The following RNASEH1 variants were observed in gnomAD, a reference collection of about 807,000 sequenced individuals.
The protein encoded by RNASEH1 is ribonuclease H1, also known as ribonuclease H type II.
Under a neutral mutation model 34.6 loss-of-function variants are expected in RNASEH1, and 27 were observed. That is an observed-to-expected ratio of 0.78 (90% CI 0.58 to 1.08). RNASEH1 has a LOEUF of 1.08. Ranked by LOEUF, RNASEH1 falls within the 50% of genes least tolerant of loss-of-function variation. RNASEH1 has a pLI of 0.00. For synonymous variants in RNASEH1, 162 were observed against 138.4 expected, an observed-to-expected ratio of 1.17 and a Z score of -1.20; for missense variants, 349 against 373.6, an observed-to-expected ratio of 0.93 and a Z score of 0.54.
rs375227445 is a variant in RNASEH1, at chr2:3,551,554, C to G, written c.409+590G>C. On this transcript the variant is annotated intron_variant, in intron 3 of 7. Coordinates refer to ENST00000315212, the MANE Select transcript of RNASEH1 (RefSeq NM_002936.6). ...ATACAGCTTGGCAAAACATTTTCTA[C>G]TGGTTTCCCTTGAATTAAATTAGAA... 4.2e-4 allele frequency among the ~76,000 whole-genome samples: 64 copies of G among 152,354 alleles called. 2 individuals are homozygous for G. Among genetic ancestry groups the G allele is most frequent in the African/African-American group, 1.3e-3 (54 of 41,584 alleles).
rs1223637079 is a variant in RNASEH1, at chr2:3,544,756, T to C, written c.*1029A>G. The C allele has an allele frequency of 1.3e-5, 2 of 152,144 alleles. No homozygotes were observed. Among genetic ancestry groups the C allele is most frequent in the East Asian group, 3.9e-4 (2 of 5,172 alleles). 9.4% of individuals were successfully genotyped at this position (152,144 alleles called of 1,614,324 possible). A position where few individuals can be genotyped will look rare whatever the true frequency, so the allele number is the denominator to read the frequency against. On this transcript the variant is annotated 3_prime_UTR_variant, in exon 8 of 8. Transcript: ENST00000315212. ...ATAAAAAGGTTTAAAACTAAATAAA[T>C]AATCATGTCAAACTTTTACTACTTT...
the RNASEH1 span, chr2:3,533,220 A>G: frequency 6.6e-6 from 1 of 152,252 alleles, no homozygotes; most frequent in Non-Finnish European, 1.5e-5. Flanking sequence ...CAGAGAGATA[A>G]AACTTCTGCC....
chr2:3,553,522 T>C (rs1359461900), intron 2 of RNASEH1, among the ~76,000 whole-genome samples: 1 of 151,860 alleles, frequency 6.6e-6, no homozygotes, highest in African/African-American at 2.4e-5. Flanking sequence ...CCCAAGTAGC[T>C]GGGATTACAG....
At chr2:3,547,100 G>C (rs1030360975) in intron 7 of RNASEH1, among the ~76,000 whole-genome samples, 4 of 152,206 alleles carry the variant, frequency 2.6e-5, no homozygotes, top group Non-Finnish European at 5.9e-5. Flanking sequence ...GACAGAGTGA[G>C]ACCTGTCTCA....
intron 3 of RNASEH1, among the ~76,000 whole-genome samples, chr2:3,551,134 G>C (rs1037408711): frequency 6.6e-6 from 1 of 152,250 alleles, no homozygotes; most frequent in Non-Finnish European, 1.5e-5. Flanking sequence ...GCAAATAGAG[G>C]TGGTACGCGC....
At chr2:3,548,594 T>C (rs770431989) in intron 6 of RNASEH1, 46 bp downstream of exon 6, 2 of 1,333,158 alleles carry the variant, frequency 1.5e-6, no homozygotes, top group East Asian at 2.3e-5. Flanking sequence ...CCAATTTCCC[T>C]TCACAGTTAC....
chr2:3,549,172 T>C, intron 4 of RNASEH1, 60 bp from the exon 5 acceptor site: 1 of 1,241,404 alleles, frequency 8.1e-7, no homozygotes, highest in South Asian at 1.2e-5. Context: ...AAGTGATTCT[T>C]CTTAATGGAT....
rs1177498208 is a variant in RNASEH1 at position 3,544,721 on chromosome 2, T to C, written c.*1064A>G. The stretch of plus-strand genomic sequence containing the variant: ...CATTTGTTTTGTGTCACTTCCTGTA[T>C]GTTTTTATAATAAAAAGGTTTAAAA... On this transcript the variant is annotated 3_prime_UTR_variant, in exon 8 of 8. Coordinates refer to ENST00000315212, the MANE Select transcript of RNASEH1 (RefSeq NM_002936.6). 6.6e-6 allele frequency: 1 copy of C among 152,148 alleles called. No homozygotes were observed. Among genetic ancestry groups the C allele is most frequent in the Non-Finnish European group, 1.5e-5 (1 of 68,022 alleles). The allele number at this position is 152,148 out of a possible 1,614,324, so 9.4% of individuals were successfully genotyped here. A position where few individuals can be genotyped will look rare whatever the true frequency, so the allele number is the denominator to read the frequency against.
Position 3,544,130 on chromosome 2 carries a change from A to G in RNASEH1, c.*1655T>C, listed in dbSNP as rs186809955. The stretch of plus-strand genomic sequence containing the variant: ...AGCTAATAAAGGCAAGCAAAACGAC[A>G]GAATGAGAATACCACCATTTTGCAA... On this transcript the variant is annotated 3_prime_UTR_variant, in exon 8 of 8. Transcript: ENST00000315212. Among the ~76,000 whole-genome samples the G allele has an allele frequency of 2.0e-5, 3 of 152,362 alleles. 1 individual carries two copies. The highest frequency in any genetic ancestry group is 7.2e-5 in the African/African-American group (3 of 41,582).
Position 3,556,914 on chromosome 2 carries a change from A to C in RNASEH1, c.129-10T>G. 4 of 1,574,868 alleles carry C rather than the reference A, an allele frequency of 2.5e-6. No individual in the cohort carries two copies. The highest frequency in any genetic ancestry group is 2.6e-6 in the Non-Finnish European group (3 of 1,144,298). On this transcript the variant is annotated splice_polypyrimidine_tract_variant and intron_variant, in intron 1 of 7. Transcript: ENST00000315212. ...TGCTCTGCACTCATTCCTGGAAAAG[A>C]TGTGCAATGTTATTTCCTTCTTCCT...
At chr2:3,548,784 G>A (rs540310991) in intron 5 of RNASEH1, 60 bp from the exon 6 acceptor site, 2 of 1,243,180 alleles carry the variant, frequency 1.6e-6, no homozygotes, top group African/African-American at 1.5e-5. Flanking sequence ...CATTACTAAA[G>A]TTCAAAAGTA....
downstream of RNASEH1, among the ~76,000 whole-genome samples, chr2:3,539,544 C>T (rs1273824046): frequency 3.3e-5 from 5 of 152,264 alleles, no homozygotes; most frequent in Middle Eastern, 3.4e-3. Flanking sequence ...GCATAGTCAA[C>T]GCCTTCTGTG....
intron 2 of RNASEH1, among the ~76,000 whole-genome samples, chr2:3,555,035 G>A (rs1289049213): frequency 6.6e-6 from 1 of 152,170 alleles, no homozygotes; most frequent in African/African-American, 2.4e-5. Flanking sequence ...AACCCCCAAG[G>A]AGATAAAGAG....
At chr2:3,553,838 C>G (rs1386279608) in intron 2 of RNASEH1, among the ~76,000 whole-genome samples, 4 of 152,192 alleles carry the variant, frequency 2.6e-5, no homozygotes, top group Non-Finnish European at 4.4e-5. Flanking sequence ...CTTTTATCAG[C>G]TGCGAACTCC....
chr2:3,554,335 C>T (rs1050015853), intron 2 of RNASEH1, among the ~76,000 whole-genome samples: 2 of 152,140 alleles, frequency 1.3e-5, no homozygotes, highest in Non-Finnish European at 2.9e-5. Flanking sequence ...CTTACTATAA[C>T]AGAGATGGAC....
chr2:3,553,149 G>A (rs762091622), intron 2 of RNASEH1, among the ~76,000 whole-genome samples: 16 of 151,878 alleles, frequency 1.1e-4, no homozygotes, highest in Non-Finnish European at 2.2e-4. Context: ...TCAGGAGGCT[G>A]AGGCAGGAGA....
chr2:3,556,926 A>C, intron 1 of RNASEH1, 22 bp from the exon 2 acceptor site: 1 of 1,521,980 alleles, frequency 6.6e-7, no homozygotes, highest in Non-Finnish European at 9.1e-7. Context: ...GTGCAATGTT[A>C]TTTCCTTCTT....
At chr2:3,554,247 G>A (rs555323120) in intron 2 of RNASEH1, among the ~76,000 whole-genome samples, 1 of 152,298 alleles carries the variant, frequency 6.6e-6, no homozygotes, top group East Asian at 1.9e-4. Flanking sequence ...GTACTCTACT[G>A]AAGTAAATGC....
intron 2 of RNASEH1, among the ~76,000 whole-genome samples, chr2:3,555,647 T>C (rs1337902735): frequency 2.0e-5 from 3 of 152,218 alleles, no homozygotes; most frequent in African/African-American, 4.8e-5. Context: ...TAATTAAAAC[T>C]ATGCTCTGCT....
Sources: gnomAD v4.1 joint callset for allele counts (sites outside exome capture counted in the v4.1 genomes callset) on GRCh38, gnomAD v4.1.1 for gene constraint, MANE v1.5 for transcripts, NCBI Gene and HGNC (gene_info 2026-07-23, HGNC 2026-07-21) for gene names.